Variants in FKBP5 observed in about 807,000 individuals in gnomAD.
FKBP5 encodes FKBP prolyl isomerase 5, also known as peptidyl-prolyl cis-trans isomerase FKBP5.
A neutral mutation model predicts 50.5 loss-of-function variants in FKBP5; 23 were observed. The ratio of observed to expected loss-of-function variants is 0.46; its 90% CI spans 0.33 to 0.65. The LOEUF (loss-of-function observed/expected upper bound fraction) is 0.65. Ranked by LOEUF, FKBP5 falls within the 30% of genes least tolerant of loss-of-function variation. FKBP5 has a pLI of 0.02. For synonymous variants in FKBP5, 176 were observed against 190.6 expected (o/e 0.92, Z 0.63); for missense variants, 411 against 553.1 (o/e 0.74, Z 2.58).
intron 2 of FKBP5, among the ~76,000 whole-genome samples, chr6:35,706,890 G>T (rs931742259): frequency 2.6e-5 from 4 of 152,138 alleles, no homozygotes; most frequent in African/African-American, 9.7e-5. Context: ...AAAGAATATG[G>T]TATGTATCTA....
At chr6:35,589,907 C>T (rs1762760306) in intron 7 of FKBP5, among the ~76,000 whole-genome samples, 1 of 152,140 alleles carries the variant, frequency 6.6e-6, no homozygotes, top group South Asian at 2.1e-4. Context: ...AGCAGGCCTC[C>T]CCTCACTTTC....
intron 1 of FKBP5, chr6:35,728,371 A>G (rs1766768172): frequency 6.6e-6 from 1 of 152,024 alleles, no homozygotes; most frequent in Non-Finnish European, 1.5e-5. Context: ...TCGCCCCTCT[A>G]TTAAAGCGTC....
At chr6:35,723,310 T>A (rs1363043488) in intron 1 of FKBP5, among the ~76,000 whole-genome samples, 1 of 152,038 alleles carries the variant, frequency 6.6e-6, no homozygotes. Context: ...GTGTAGGACT[T>A]TGGTTCCCAG....
intron 1 of FKBP5, among the ~76,000 whole-genome samples, chr6:35,664,017 G>C (rs1765147752): frequency 6.6e-6 from 1 of 152,212 alleles, no homozygotes; most frequent in Admixed American, 6.5e-5. Context: ...CAGGGAGACT[G>C]ACTCTGGAGC....
At chr6:35,672,395 A>G (rs547224069) in intron 1 of FKBP5, among the ~76,000 whole-genome samples, 3 of 152,240 alleles carry the variant, frequency 2.0e-5, no homozygotes, top group African/African-American at 7.2e-5. Context: ...TGAATTATAC[A>G]ATTCAACTTC....
At chr6:35,582,696 A>G (rs953956126) in intron 8 of FKBP5, 2 of 985,236 alleles carry the variant, frequency 2.0e-6, no homozygotes, top group East Asian at 2.3e-4. Flanking sequence ...AAATTTTGTC[A>G]TAGTCTTAGG....
At chr6:35,627,478 T>C (rs983164409) in intron 3 of FKBP5, among the ~76,000 whole-genome samples, 2 of 152,174 alleles carry the variant, frequency 1.3e-5, no homozygotes, top group African/African-American at 4.8e-5. Context: ...TTTGTTGTTT[T>C]TGTTGAGTTA....
intron 1 of FKBP5, among the ~76,000 whole-genome samples, chr6:35,649,632 C>A (rs369153775): frequency 6.6e-6 from 1 of 151,960 alleles, no homozygotes; most frequent in Admixed American, 6.6e-5. Context: ...AGGCAAAAGT[C>A]ACAGGTGAGA....
chr6:35,684,475 G>A (rs1241739900), intron 1 of FKBP5, among the ~76,000 whole-genome samples: 2 of 152,136 alleles, frequency 1.3e-5, no homozygotes, highest in Non-Finnish European at 1.5e-5. Context: ...ACTGCACCTC[G>A]CCACCTTTTT....
chr6:35,579,625 A>T (rs1762358762), intron 9 of FKBP5, among the ~76,000 whole-genome samples: 1 of 152,164 alleles, frequency 6.6e-6, no homozygotes, highest in African/African-American at 2.4e-5. Flanking sequence ...TTATAATAAA[A>T]ATTGACCTAT....
At chr6:35,579,702 T>C (rs1280123818) in intron 9 of FKBP5, among the ~76,000 whole-genome samples, 2 of 152,206 alleles carry the variant, frequency 1.3e-5, no homozygotes, top group Non-Finnish European at 2.9e-5. Context: ...AATCTTCTCT[T>C]ATTAAACTGA....
chr6:35,707,860 T>C (rs957267958), intron 2 of FKBP5, among the ~76,000 whole-genome samples: 3 of 152,206 alleles, frequency 2.0e-5, no homozygotes, highest in African/African-American at 7.2e-5. Context: ...TCCAGCTCCA[T>C]GTTCTGGCAA....
At chr6:35,577,538 C>A (rs1218937394) in intron 9 of FKBP5, among the ~76,000 whole-genome samples, 1 of 152,132 alleles carries the variant, frequency 6.6e-6, no homozygotes, top group East Asian at 1.9e-4. Flanking sequence ...AAATAAGAGG[C>A]ACTTGTCTTA....
chr6:35,586,654 T>C (rs1387465127), intron 8 of FKBP5: 3 of 1,022,502 alleles, frequency 2.9e-6, no homozygotes, highest in African/African-American at 3.4e-5. Context: ...CTTACCCTTA[T>C]GAATTCCATT....
intron 2 of FKBP5, among the ~76,000 whole-genome samples, chr6:35,637,974 T>C (rs1332991598): frequency 6.6e-6 from 1 of 152,240 alleles, no homozygotes; most frequent in African/African-American, 2.4e-5. Context: ...ACAGGTTACA[T>C]TTCCTATTAT....
chr6:35,682,777 T>C lies in FKBP5; in HGVS notation c.-20+6027A>G, dbSNP rs1440274832. ...ACATTTTTAAGCCAGGCATGGTGGCTTGGGCCTGGGATCCCAGCACTTTGG... is the reference window on the plus strand; with the variant it reads ...ACATTTTTAAGCCAGGCATGGTGGCCTGGGCCTGGGATCCCAGCACTTTGG... On this transcript the variant is annotated intron_variant, in intron 1 of 10. Transcript: ENST00000357266. Among the ~76,000 whole-genome samples, 4 of 152,118 alleles carry C rather than the reference T, an allele frequency of 2.6e-5. No individual in the cohort carries two copies. In the East Asian group the frequency reaches 5.8e-4, roughly 22 times the overall value.
Position 35,576,991 on chromosome 6 carries a change from C to T in FKBP5, c.1266+3G>A, listed in dbSNP as rs1762241077. The T allele has an allele frequency of 2.5e-6, 4 of 1,613,542 alleles. No individual in the cohort carries two copies. The highest frequency in any genetic ancestry group is 3.4e-6 in the Non-Finnish European group (4 of 1,179,968). On this transcript the variant is annotated splice_donor_region_variant and intron_variant, in intron 10 of 10. Transcript: ENST00000357266. The stretch of plus-strand genomic sequence containing the variant: ...ACCTGCAGTCATCAGGCTCTGCACA[C>T]ACCTTGGCATCCTGCTCTGCAAACT...
chr6:35,659,547 G>A lies in FKBP5; in HGVS notation c.-19-16704C>T, dbSNP rs1179458033. Among the ~76,000 whole-genome samples, 4 of 84,550 alleles carry A rather than the reference G, an allele frequency of 4.7e-5. 2 individuals carry two copies. Among genetic ancestry groups the A allele is most frequent in the African/African-American group, 1.5e-4 (4 of 27,472 alleles). 55.5% of individuals were successfully genotyped at this position (84,550 alleles called of 152,430 possible). On this transcript the variant is annotated intron_variant, in intron 1 of 10. Coordinates refer to ENST00000357266, the MANE Select transcript of FKBP5 (RefSeq NM_004117.4). Reference sequence around the variant, plus strand: ...TAGGCGTGAGCCACCAAGCCTGGCCGAATTCAATTTCTTTAATAGATATAG... The same window carrying A: ...TAGGCGTGAGCCACCAAGCCTGGCCAAATTCAATTTCTTTAATAGATATAG...
intron 2 of FKBP5, among the ~76,000 whole-genome samples, chr6:35,715,331 C>T (rs967010187): frequency 1.3e-5 from 2 of 152,128 alleles, no homozygotes; most frequent in African/African-American, 4.8e-5. Context: ...TTCATCTCTC[C>T]GTGTATCATT....
Sources: allele counts gnomAD v4.1 joint callset (sites outside exome capture counted in the v4.1 genomes callset), GRCh38; gene constraint gnomAD v4.1.1; transcripts MANE v1.5; gene names NCBI Gene and HGNC (gene_info 2026-07-23, HGNC 2026-07-21).